Variants in POLA1 observed in about 807,000 individuals in gnomAD.
The protein encoded by POLA1 is DNA polymerase alpha catalytic subunit.
POLA1 carries 15 observed loss-of-function variants against 124.0 expected under a neutral mutation model. The observed-to-expected ratio is 0.12, with a 90% CI of 0.08 to 0.19. The LOEUF (loss-of-function observed/expected upper bound fraction) is 0.19, where lower values mean the gene tolerates loss of function less well. Ranked by LOEUF, POLA1 falls within the 10% of genes least tolerant of loss-of-function variation. The pLI, the probability that POLA1 is intolerant of heterozygous loss-of-function variation, is 1.00. For synonymous variants in POLA1, 408 were observed against 389.4 expected, an observed-to-expected ratio of 1.05 and a Z score of -0.56; for missense variants, 886 against 1,103.4, an observed-to-expected ratio of 0.80 and a Z score of 2.79.
chrX:24,742,037 C>T lies in POLA1; in HGVS notation c.2382C>T (p.Asn794=), dbSNP rs902455340. ...TGATGGGTGGACGATCCGAGCGTAA[C>T]GAGTTCTTGTTGCTTCATGCATTTT... The part of the protein sequence containing the change: ...RTLMGGRSER[N]EFLLLHAFYE... The change falls in exon 22 of 37, where the codon AAC becomes AAT. Residue 794 remains asparagine (N), a synonymous_variant. Transcript: ENST00000379068. 11 of 1,199,970 alleles carry T rather than the reference C, an allele frequency of 9.2e-6. No homozygotes were observed. The highest frequency in any genetic ancestry group is 3.5e-5 in the African/African-American group (2 of 56,527).
chrX:24,700,067 A>T (rs1300678215), intron 2 of POLA1, among the ~76,000 whole-genome samples: 5 of 104,126 alleles, frequency 4.8e-5, no homozygotes, highest in African/African-American at 1.8e-4. Context: ...CCTGCAGGTC[A>T]AAAACAGAGT....
intron 26 of POLA1, among the ~76,000 whole-genome samples, chrX:24,775,580 G>C (rs2148444927): frequency 9.0e-6 from 1 of 111,603 alleles, no homozygotes; most frequent in South Asian, 3.8e-4. Context: ...TATATTCTGA[G>C]CCAGAGTGTT....
chrX:24,919,833 T>TTTTTTTTTTTTTG (rs1569362780), intron 35 of POLA1, among the ~76,000 whole-genome samples: 2 of 82,463 alleles, frequency 2.4e-5, no homozygotes, highest in African/African-American at 1.0e-4. Flanking sequence ...TTTTTTTTTG[T>TTTTTTTTTTTTTG]TTTGTTTTTC....
chrX:24,744,665 TTACTC>T (rs1418358024), intron 23 of POLA1: 6 of 314,537 alleles, frequency 1.9e-5, no homozygotes, highest in African/African-American at 1.4e-4. Context: ...AAAGAATAAA[TTACTC>T]TACCAGGCGC....
intron 4 of POLA1, among the ~76,000 whole-genome samples, chrX:24,709,492 C>G (rs1254384925): frequency 1.3e-5 from 1 of 75,400 alleles, no homozygotes. Flanking sequence ...GGGGGCTGAC[C>G]CCCCCCACCT....
At chrX:24,881,125 C>T (rs193231658) in intron 34 of POLA1, among the ~76,000 whole-genome samples, 7 of 111,804 alleles carry the variant, frequency 6.3e-5, no homozygotes, top group African/African-American at 9.8e-5. Flanking sequence ...GAAAAAAATA[C>T]GAAAATTTCA....
intron 36 of POLA1, among the ~76,000 whole-genome samples, chrX:24,979,791 C>T (rs1010722395): frequency 8.9e-6 from 1 of 112,230 alleles, no homozygotes; most frequent in Non-Finnish European, 1.9e-5. Flanking sequence ...GTTGGCTGAG[C>T]AGACCCACAT....
chrX:24,757,826 C>G (rs1018445837), intron 26 of POLA1, among the ~76,000 whole-genome samples: 1 of 111,563 alleles, frequency 9.0e-6, no homozygotes, highest in Non-Finnish European at 1.9e-5. Context: ...ATTAGGGATG[C>G]TCATCCAGTA....
chrX:24,718,941 A>G (rs1389485158), intron 10 of POLA1, among the ~76,000 whole-genome samples: 1 of 112,140 alleles, frequency 8.9e-6, no homozygotes, highest in Admixed American at 9.4e-5. Flanking sequence ...TAATGAGCTA[A>G]TACTGTGAAT....
intron 10 of POLA1, among the ~76,000 whole-genome samples, chrX:24,720,853 A>T (rs1047703853): frequency 1.8e-5 from 2 of 112,560 alleles, no homozygotes; most frequent in African/African-American, 6.5e-5. Flanking sequence ...ATTAATTAAA[A>T]TGCAATACAA....
chrX:24,719,606 C>T (rs1169698879), intron 10 of POLA1, among the ~76,000 whole-genome samples: 3 of 111,557 alleles, frequency 2.7e-5, no homozygotes, highest in African/African-American at 9.8e-5. Flanking sequence ...TTTCACGTGA[C>T]TTTCCTGGAG....
intron 35 of POLA1, 116 bp from the exon 36 acceptor site, chrX:24,930,337 T>TA: frequency 3.9e-6 from 2 of 515,909 alleles, no homozygotes; most frequent in Non-Finnish European, 6.7e-6. Context: ...CCACTTTCTT[T>TA]AAAAAATGCT....
At chrX:24,780,011 C>CA (rs1404079871) in intron 26 of POLA1, among the ~76,000 whole-genome samples, 1 of 112,027 alleles carries the variant, frequency 8.9e-6, no homozygotes, top group Non-Finnish European at 1.9e-5. Context: ...AGTACCTTAC[C>CA]ACAATGCGTA....
intron 35 of POLA1, among the ~76,000 whole-genome samples, chrX:24,913,747 G>A (rs2047487126): frequency 1.9e-5 from 2 of 106,916 alleles, no homozygotes; most frequent in African/African-American, 6.9e-5. Flanking sequence ...GTCATGGTAA[G>A]CCGGGCGTGG....
intron 26 of POLA1, among the ~76,000 whole-genome samples, chrX:24,753,164 G>A (rs1390549491): frequency 1.9e-5 from 2 of 105,762 alleles, no homozygotes; most frequent in African/African-American, 3.5e-5. Context: ...CACTACAGGC[G>A]CCCACCACCA....
intron 36 of POLA1, among the ~76,000 whole-genome samples, chrX:24,975,516 T>C (rs1446125379): frequency 8.9e-6 from 1 of 112,318 alleles, no homozygotes; most frequent in Non-Finnish European, 1.9e-5. Flanking sequence ...ATCTCTTTAT[T>C]CTCTGGCTTA....
chrX:24,888,612 T>G (rs1484828745), intron 35 of POLA1, among the ~76,000 whole-genome samples: 3 of 97,212 alleles, frequency 3.1e-5, no homozygotes, highest in African/African-American at 7.8e-5. Flanking sequence ...TTTTTTTTTT[T>G]TTTTTTTTTT....
intron 26 of POLA1, among the ~76,000 whole-genome samples, chrX:24,791,347 T>A (rs1027405556): frequency 2.7e-5 from 3 of 112,140 alleles, no homozygotes; most frequent in Non-Finnish European, 5.6e-5. Context: ...GAACTTTTGT[T>A]CTGTGAGTAC....
At chrX:24,850,343 G>A (rs1040849154) in intron 34 of POLA1, among the ~76,000 whole-genome samples, 1 of 111,939 alleles carries the variant, frequency 8.9e-6, no homozygotes, top group African/African-American at 3.2e-5. Context: ...CCTAAAACAT[G>A]CCAGCTATGT....
Sources: gnomAD v4.1 joint callset for allele counts (sites outside exome capture counted in the v4.1 genomes callset) on GRCh38, gnomAD v4.1.1 for gene constraint, MANE v1.5 for transcripts, NCBI Gene and HGNC (gene_info 2026-07-23, HGNC 2026-07-21) for gene names.